The following ARHGEF10L variants were observed in gnomAD, a reference collection of about 807,000 sequenced individuals.
The protein encoded by ARHGEF10L is Rho guanine nucleotide exchange factor 10 like, also known as rho guanine nucleotide exchange factor 10-like protein.
A neutral mutation model predicts 141.2 loss-of-function variants in ARHGEF10L; 69 were observed. The ratio of observed to expected loss-of-function variants is 0.49; its 90% CI spans 0.40 to 0.60. The LOEUF is 0.60. ARHGEF10L is among the 20% of genes least tolerant of loss of function. The pLI, the probability that ARHGEF10L is intolerant of heterozygous loss-of-function variation, is 0.00. For synonymous variants in ARHGEF10L, 711 were observed against 718.5 expected, an observed-to-expected ratio of 0.99 and a Z score of 0.17; for missense variants, 1,482 against 1,734.3, an observed-to-expected ratio of 0.85 and a Z score of 2.58.
At chr1:17,583,407 A>G (rs2078754321) in intron 2 of ARHGEF10L, among the ~76,000 whole-genome samples, 1 of 152,114 alleles carries the variant, frequency 6.6e-6, no homozygotes, top group Non-Finnish European at 1.5e-5. Context: ...GTGATGATGT[A>G]ACGATGGTGA....
rs369035287 is a variant in ARHGEF10L, at chr1:17,602,109, G to A, written c.258-18G>A. On this transcript the variant is annotated intron_variant, in intron 4 of 28. Coordinates refer to ENST00000361221, the MANE Select transcript of ARHGEF10L (RefSeq NM_018125.4). ...AGCCACCTCTGGACACCTCTGCAGT[G>A]CCATCTCTTGCCCGCAGGGTGCCAG... 2.1e-5 allele frequency: 32 copies of A among 1,546,250 alleles called. No individual in the cohort carries two copies. The highest frequency in any genetic ancestry group is 2.6e-5 in the Non-Finnish European group (30 of 1,145,012).
intron 1 of ARHGEF10L, among the ~76,000 whole-genome samples, chr1:17,563,379 C>T (rs1390202363): frequency 2.0e-5 from 3 of 152,004 alleles, no homozygotes; most frequent in East Asian, 1.9e-4. Flanking sequence ...GGACTACAGG[C>T]GTGTACCACC....
In ARHGEF10L at chr1:17,624,423, T is replaced by A. The variant is rs2060271818; in HGVS notation, c.1237T>A (p.Tyr413Asn). 6.2e-7 allele frequency: 1 copy of A among 1,614,110 alleles called. No homozygotes were observed. The highest frequency in any genetic ancestry group is 1.3e-5 in the African/African-American group (1 of 74,950). Reference protein sequence around the residue: ...KSMVLDVYSDYVNNFTSAMSI... With the variant: ...KSMVLDVYSDNVNNFTSAMSI... ...CATGGTGCTAGATGTGTACAGTGACTACGTGAACAACTTCACCAGTGCCAT... is the reference window on the plus strand; with the variant it reads ...CATGGTGCTAGATGTGTACAGTGACAACGTGAACAACTTCACCAGTGCCAT... The change falls in exon 13 of 29, where the codon TAC (tyrosine) becomes AAC (asparagine). Residue 413 changes from tyrosine (Y) to asparagine (N), a missense_variant. Tyr to Asn is a moderately radical substitution (Grantham distance 143). This residue lies in a region of ARHGEF10L where 392 missense variants were observed against 542.1 expected (regional missense o/e 0.72). Transcript: ENST00000361221.
At chr1:17,536,290 G>A (rs1465571009), upstream of ARHGEF10L, among the ~76,000 whole-genome samples, 1 of 152,074 alleles carries the variant, frequency 6.6e-6, no homozygotes, top group Non-Finnish European at 1.5e-5. Context: ...GACCAGCCTG[G>A]GCAACATGGT....
chr1:17,534,770 G>T (rs2076550603), upstream of ARHGEF10L, among the ~76,000 whole-genome samples: 1 of 151,618 alleles, frequency 6.6e-6, no homozygotes, highest in African/African-American at 2.4e-5. Context: ...TGTATTTTTA[G>T]TGGAGACAGG....
chr1:17,594,322 C>T (rs529388136), intron 4 of ARHGEF10L, among the ~76,000 whole-genome samples: 1 of 152,140 alleles, frequency 6.6e-6, no homozygotes, highest in South Asian at 2.1e-4. Flanking sequence ...GAAAGATGAG[C>T]AGAGCCAGAG....
chr1:17,565,304 G>A (rs1320671655), intron 1 of ARHGEF10L, among the ~76,000 whole-genome samples: 1 of 152,186 alleles, frequency 6.6e-6, no homozygotes, highest in Non-Finnish European at 1.5e-5. Flanking sequence ...ATTTTAGGGG[G>A]ATAAAAACAT....
rs143034386 is a variant in ARHGEF10L, at chr1:17,654,235, C to A, written c.2395-401C>A. ...GACAGGCTGAGCCCTGGTTTCTGTG[C>A]GTGGCCCTCACAAGCCGCCCAGCCC... On this transcript the variant is annotated intron_variant, in intron 22 of 28. Coordinates refer to ENST00000361221, the MANE Select transcript of ARHGEF10L (RefSeq NM_018125.4). The surrounding 1 kb of genome is among the most constrained non-coding windows in gnomAD (Gnocchi z 4.3). Among the ~76,000 whole-genome samples the A allele has an allele frequency of 3.4e-4, 52 of 152,150 alleles. No individual in the cohort carries two copies. The highest frequency in any genetic ancestry group is 9.8e-4 in the Admixed American group (15 of 15,276).
chr1:17,626,245 C>T (rs2060380053), intron 14 of ARHGEF10L, among the ~76,000 whole-genome samples, 197 bp downstream of exon 14: 1 of 152,150 alleles, frequency 6.6e-6, no homozygotes, highest in Non-Finnish European at 1.5e-5. Flanking sequence ...GTTTGCACGC[C>T]CCTCTGTGGG....
chr1:17,523,393 A>G, the ARHGEF10L span, among the ~76,000 whole-genome samples: 9 of 152,018 alleles, frequency 5.9e-5, no homozygotes, highest in African/African-American at 2.2e-4. Flanking sequence ...CCGGCCCACC[A>G]TTGCTACATT....
chr1:17,580,262 C>T (rs2078430921), intron 1 of ARHGEF10L, among the ~76,000 whole-genome samples: 1 of 152,206 alleles, frequency 6.6e-6, no homozygotes, highest in African/African-American at 2.4e-5. Context: ...ACCTGTAAGC[C>T]AGAGGGGATG....
At chr1:17,643,989 C>T (rs1042912571) in intron 21 of ARHGEF10L, among the ~76,000 whole-genome samples, 1 of 152,176 alleles carries the variant, frequency 6.6e-6, no homozygotes, top group African/African-American at 2.4e-5. Flanking sequence ...TCATTTCCCT[C>T]CTGTACCCTC....
At chr1:17,649,402 A>G (rs1468440065) in intron 22 of ARHGEF10L, among the ~76,000 whole-genome samples, 1 of 152,208 alleles carries the variant, frequency 6.6e-6, no homozygotes, top group Non-Finnish European at 1.5e-5. Flanking sequence ...AGATGAGGTC[A>G]TCTCAGCTCC....
chr1:17,649,006 GC>G (rs1223918639), intron 22 of ARHGEF10L, among the ~76,000 whole-genome samples: 2 of 152,260 alleles, frequency 1.3e-5, no homozygotes, highest in Non-Finnish European at 2.9e-5. Context: ...TGGGTTGGGT[GC>G]TTTGTGGTTC....
At chr1:17,551,594 CTTTT>C (rs2077115274) in intron 1 of ARHGEF10L, among the ~76,000 whole-genome samples, 1 of 152,112 alleles carries the variant, frequency 6.6e-6, no homozygotes, top group African/African-American at 2.4e-5. Context: ...GGGATTAGAA[CTTTT>C]TGTTTGGGGT....
intron 1 of ARHGEF10L, among the ~76,000 whole-genome samples, chr1:17,577,550 G>T (rs1488545392): frequency 1.3e-5 from 2 of 152,208 alleles, no homozygotes; most frequent in African/African-American, 4.8e-5. Context: ...ACATCCTTCT[G>T]AGACTAACAG....
In ARHGEF10L at chr1:17,639,286, G is replaced by A. The variant is rs963825890; in HGVS notation, c.2171+597G>A. ...TTCAGGAGAGGCTGAAGGCCACATC[G>A]TGAGAGACAGAGCTGGGTCCTGATG... On this transcript the variant is annotated intron_variant, in intron 20 of 28. Coordinates refer to ENST00000361221, the MANE Select transcript of ARHGEF10L (RefSeq NM_018125.4). This position sits in a 1 kb window ranked among gnomAD's most constrained non-coding sequence, Gnocchi z 4.3. Among the ~76,000 whole-genome samples the A allele has an allele frequency of 1.3e-5, 2 of 152,216 alleles. No homozygotes were observed. The highest frequency in any genetic ancestry group is 2.1e-4 in the South Asian group (1 of 4,832).
At chr1:17,539,277 G>A (rs1171638388), upstream of ARHGEF10L, among the ~76,000 whole-genome samples, 3 of 152,244 alleles carry the variant, frequency 2.0e-5, no homozygotes, top group Non-Finnish European at 4.4e-5. The surrounding 1 kb of genome is among the most constrained non-coding windows in gnomAD (Gnocchi z 6.0). Flanking sequence ...CATAAGTCTA[G>A]GGTTTCCCCT....
intron 26 of ARHGEF10L, among the ~76,000 whole-genome samples, chr1:17,681,626 C>G (rs79136279): frequency 6.6e-6 from 1 of 151,896 alleles, no homozygotes; most frequent in African/African-American, 2.4e-5. Context: ...TGCTGTGGGG[C>G]TGGGGGTCAG....
Sources: allele counts gnomAD v4.1 joint callset (sites outside exome capture counted in the v4.1 genomes callset), GRCh38; gene constraint gnomAD v4.1.1; regional missense constraint gnomAD v4.1.1; non-coding constraint Gnocchi (gnomAD v3.1); transcripts MANE v1.5; gene names NCBI Gene and HGNC (gene_info 2026-07-23, HGNC 2026-07-21).